CEP350: variants seen among roughly 807,000 people sequenced by gnomAD.
CEP350 encodes centrosome-associated protein 350.
A neutral mutation model predicts 331.8 loss-of-function variants in CEP350; 126 were observed. That is an observed-to-expected ratio of 0.38 (90% CI 0.33 to 0.44). CEP350 has a LOEUF of 0.44. Among genes scored for constraint, CEP350 ranks in the 20% least tolerant of loss-of-function variants. The pLI, the probability that CEP350 is intolerant of heterozygous loss-of-function variation, is 1.00. For synonymous variants in CEP350, 1,200 were observed against 1,259.5 expected, an observed-to-expected ratio of 0.95 and a Z score of 1.00; for missense variants, 3,406 against 3,634.6, an observed-to-expected ratio of 0.94 and a Z score of 1.62.
At chr1:180,072,611 A>G (rs1451255768) in intron 27 of CEP350, among the ~76,000 whole-genome samples, 2 of 152,172 alleles carry the variant, frequency 1.3e-5, no homozygotes, top group Non-Finnish European at 2.9e-5. Flanking sequence ...TCAGTGCAGA[A>G]AATCAAGGCA....
rs536993753 is a variant in CEP350 at position 180,020,958 on chromosome 1, C to G, written c.3184C>G (p.Pro1062Ala). ...GPWEELAKGS[P>A]HSVINIFTKS... ...ATGGGAAGAATTGGCAAAGGGAAGT[C>G]CACATAGCGTCATTAATATTTTTAC... Residue 1062 changes from proline (P) to alanine (A), a missense_variant, in exon 12 of 38, where the codon CCA (proline) becomes GCA (alanine). Transcript: ENST00000367607. 3 of 1,584,444 alleles carry G rather than the reference C, an allele frequency of 1.9e-6. No homozygotes were observed. The South Asian group carries it at 3.5e-5, about 18-fold the overall frequency.
intron 37 of CEP350, among the ~76,000 whole-genome samples, chr1:180,109,789 C>A (rs1394655483): frequency 6.6e-6 from 1 of 152,176 alleles, no homozygotes; most frequent in East Asian, 1.9e-4. Context: ...GCGCGTGCCA[C>A]CATGCCTGGC....
intron 33 of CEP350, among the ~76,000 whole-genome samples, chr1:180,091,072 A>G (rs2149124518): frequency 6.6e-6 from 1 of 151,604 alleles, no homozygotes; most frequent in East Asian, 1.9e-4. Flanking sequence ...TGGCATGATC[A>G]TAGCTTACTA....
At chr1:180,101,479 A>G (rs372802333) in intron 37 of CEP350, among the ~76,000 whole-genome samples, 58 of 152,256 alleles carry the variant, frequency 3.8e-4, no homozygotes, top group African/African-American at 1.3e-3. Flanking sequence ...TTCTCAAACC[A>G]CTTCCTCTAC....
intron 30 of CEP350, among the ~76,000 whole-genome samples, chr1:180,080,872 T>C (rs1230168913): frequency 6.6e-6 from 1 of 152,130 alleles, no homozygotes; most frequent in African/African-American, 2.4e-5. Flanking sequence ...TTTTTTGTTA[T>C]TTTTTAAGAC....
rs1655409596 is a variant in CEP350 at position 180,022,737 on chromosome 1, G to A, written c.3275G>A (p.Arg1092Gln). ...DKLDRGTSTS[R>Q]PLNATATPLS... Reference sequence around the variant, plus strand: ...TTGGACAGAGGAACATCAACATCACGGCCTTTGAATGCCACCGCAACTCCT... The same window carrying A: ...TTGGACAGAGGAACATCAACATCACAGCCTTTGAATGCCACCGCAACTCCT... Residue 1092 changes from arginine to glutamine, a missense_variant, in exon 13 of 38, where the codon CGG becomes CAG. Physicochemically the swap from Arg to Gln is conservative, Grantham distance 43. Transcript: ENST00000367607. 5 of 1,612,098 alleles carry A rather than the reference G, an allele frequency of 3.1e-6. No homozygotes were observed. The highest frequency in any genetic ancestry group is 4.2e-6 in the Non-Finnish European group (5 of 1,179,008).
Position 180,053,891 on chromosome 1 carries a change from GAGA to G in CEP350, c.5135_5137del (p.Lys1712del), listed in dbSNP as rs1244974056. On this transcript the variant is annotated inframe_deletion, in exon 24 of 38. Transcript: ENST00000367607. ...GCGTCTCCGTGAAAAGGCCTTGAAGGAGAAGACTAAGGCTGAATTGGCCTGGTT... is the reference window on the plus strand; with the variant it reads ...GCGTCTCCGTGAAAAGGCCTTGAAGGAGACTAAGGCTGAATTGGCCTGGTT... The G allele has an allele frequency of 3.7e-6, 6 of 1,610,446 alleles. No individual in the cohort carries two copies. The highest frequency in any genetic ancestry group is 5.1e-6 in the Non-Finnish European group (6 of 1,177,846).
chr1:179,979,961 T>G (rs768471176), intron 1 of CEP350, among the ~76,000 whole-genome samples: 14 of 152,142 alleles, frequency 9.2e-5, no homozygotes, highest in Non-Finnish European at 1.8e-4. Context: ...TGAAATCTGG[T>G]AGTGTGATGC....
intron 37 of CEP350, among the ~76,000 whole-genome samples, chr1:180,104,483 A>T (rs989485398): frequency 5.3e-5 from 8 of 152,138 alleles, no homozygotes; most frequent in Non-Finnish European, 8.8e-5. Flanking sequence ...TTTTGCATGT[A>T]ATAAACCCCA....
intron 37 of CEP350, among the ~76,000 whole-genome samples, chr1:180,104,540 G>T (rs1181431250): frequency 6.6e-6 from 1 of 152,110 alleles, no homozygotes; most frequent in Non-Finnish European, 1.5e-5. Context: ...AATGGCATAA[G>T]CAGTTAAGAG....
At position 180,037,031 on chromosome 1, in the gene CEP350, GAGTT is replaced by G; in HGVS notation, c.4055_4058del (p.Val1352GlufsTer13). 1.2e-6 allele frequency: 2 copies of G among 1,605,194 alleles called. No individual in the cohort carries two copies. The highest frequency in any genetic ancestry group is 1.7e-6 in the Non-Finnish European group (2 of 1,175,604). ...GTGCGCCAACTGTCAGATGTAGAAA[GAGTT>G]AGAGGCATTTCACTTGCTCAGCAGG... On this transcript the variant is annotated frameshift_variant, in exon 17 of 38. Coordinates refer to ENST00000367607, the MANE Select transcript of CEP350 (RefSeq NM_014810.5). LOFTEE classifies it high-confidence loss of function.
intron 15 of CEP350, among the ~76,000 whole-genome samples, chr1:180,033,171 G>A (rs1656129797): frequency 6.6e-6 from 1 of 152,100 alleles, no homozygotes; most frequent in Non-Finnish European, 1.5e-5. Context: ...CAACATGCTT[G>A]ATGTTACAAG....
chr1:179,961,038 T>G (rs1271787252), intron 1 of CEP350, among the ~76,000 whole-genome samples: 1 of 152,184 alleles, frequency 6.6e-6, no homozygotes, highest in Non-Finnish European at 1.5e-5. Flanking sequence ...AAGGTTGATT[T>G]TTTACATTTA....
At chr1:180,064,785 T>C (rs540857021) in intron 26 of CEP350, among the ~76,000 whole-genome samples, 3 of 152,156 alleles carry the variant, frequency 2.0e-5, no homozygotes, top group East Asian at 3.9e-4. Context: ...TGGTCCAACT[T>C]TGAAATCTCA....
chr1:180,103,953 C>CAAAATATATACAAATATATATTTT lies in CEP350; in HGVS notation c.9189+5031_9189+5054dup, dbSNP rs1432211265. On this transcript the variant is annotated intron_variant, in intron 37 of 37. Transcript: ENST00000367607. ...ACAAATATATGTTTTAAAATATATA[C>CAAAATATATACAAATATATATTTT]AAAATATATACAAATATATATTTTA... Among the ~76,000 whole-genome samples the CAAAATATATACAAATATATATTTT allele has an allele frequency of 3.8e-3, 536 of 140,414 alleles. 22 individuals carry two copies. The highest frequency in any genetic ancestry group is 9.0e-3 in the African/African-American group (336 of 37,350). The allele number at this position is 140,414 out of a possible 152,430, so 92.1% of individuals were successfully genotyped here.
chr1:180,004,153 A>G (rs1654053782), intron 7 of CEP350, among the ~76,000 whole-genome samples: 1 of 152,210 alleles, frequency 6.6e-6, no homozygotes, highest in African/African-American at 2.4e-5. Flanking sequence ...TGAGTATACT[A>G]GCTATGTTAC....
intron 21 of CEP350, among the ~76,000 whole-genome samples, 168 bp from the exon 22 acceptor site, chr1:180,048,368 A>G (rs1279053786): frequency 6.6e-6 from 1 of 152,200 alleles, no homozygotes; most frequent in East Asian, 1.9e-4. Flanking sequence ...ATCTTTTCCA[A>G]TATATTCTCA....
intron 37 of CEP350, among the ~76,000 whole-genome samples, chr1:180,110,677 T>C (rs1220652027): frequency 6.6e-6 from 1 of 152,248 alleles, no homozygotes; most frequent in Non-Finnish European, 1.5e-5. Flanking sequence ...AAATTCCTTA[T>C]TCTCTTATGT....
intron 9 of CEP350, among the ~76,000 whole-genome samples, chr1:180,013,460 T>C (rs1243521194): frequency 1.3e-5 from 2 of 152,200 alleles, no homozygotes; most frequent in Non-Finnish European, 2.9e-5. Context: ...TGCCTTCCAC[T>C]AAAAAGATTG....
Sources: gnomAD v4.1 joint callset for allele counts (sites outside exome capture counted in the v4.1 genomes callset) on GRCh38, gnomAD v4.1.1 for gene constraint, MANE v1.5 for transcripts, NCBI Gene and HGNC (gene_info 2026-07-23, HGNC 2026-07-21) for gene names.